Variants in SGCZ observed in about 807,000 individuals in gnomAD.
The protein encoded by SGCZ is zeta-sarcoglycan.
SGCZ carries 40 observed loss-of-function variants against 41.3 expected under a neutral mutation model. The ratio of observed to expected loss-of-function variants is 0.97; its 90% CI spans 0.75 to 1.26. SGCZ has a LOEUF of 1.26. SGCZ is among the 50% of genes most tolerant of loss of function. The pLI, the probability that SGCZ is intolerant of heterozygous loss-of-function variation, is 0.00. For missense variants in SGCZ, 552 were observed against 369.8 expected, an observed-to-expected ratio of 1.49 and a Z score of -4.04; for synonymous variants, 206 against 137.5, an observed-to-expected ratio of 1.50 and a Z score of -3.49.
chr8:15,022,109 C>T (rs1423886713), intron 1 of SGCZ, among the ~76,000 whole-genome samples: 4 of 152,102 alleles, frequency 2.6e-5, no homozygotes, highest in Non-Finnish European at 2.9e-5. Flanking sequence ...GTGACCTGAT[C>T]AAGGTAACAA....
chr8:15,055,588 G>C (rs1276089913), intron 1 of SGCZ, among the ~76,000 whole-genome samples: 3 of 152,158 alleles, frequency 2.0e-5, no homozygotes, highest in African/African-American at 7.2e-5. Context: ...GGTTTTTATG[G>C]GACTGAGAAG....
chr8:14,826,678 T>C (rs1333233331), intron 1 of SGCZ, among the ~76,000 whole-genome samples: 3 of 152,176 alleles, frequency 2.0e-5, no homozygotes, highest in Middle Eastern at 3.2e-3. Flanking sequence ...ATTTCTCTGA[T>C]AGCCAGTGAT....
intron 2 of SGCZ, among the ~76,000 whole-genome samples, chr8:14,475,319 C>T (rs1258353519): frequency 6.6e-6 from 1 of 151,856 alleles, no homozygotes; most frequent in Admixed American, 6.6e-5. Flanking sequence ...GGAGTTGCTG[C>T]CAGAATACAA....
chr8:15,037,337 T>C (rs1221485926), intron 1 of SGCZ, among the ~76,000 whole-genome samples: 2 of 152,310 alleles, frequency 1.3e-5, no homozygotes, highest in African/African-American at 4.8e-5. Flanking sequence ...TGTCACCATG[T>C]GACGAAGGAT....
chr8:14,190,239 C>T (rs748191519), intron 4 of SGCZ, among the ~76,000 whole-genome samples: 1 of 151,826 alleles, frequency 6.6e-6, no homozygotes, highest in Non-Finnish European at 1.5e-5. Flanking sequence ...GTCTCGAACT[C>T]CTGACCTTGT....
At chr8:14,527,925 T>G (rs546146390) in intron 2 of SGCZ, among the ~76,000 whole-genome samples, 2 of 152,204 alleles carry the variant, frequency 1.3e-5, no homozygotes, top group Middle Eastern at 3.4e-3. Context: ...GGGGGAGTAA[T>G]ACCATGCAAA....
rs1453895222 is a variant in SGCZ at position 15,006,785 on chromosome 8, T to C, written c.39+230800A>G. 4.6e-5 allele frequency among the ~76,000 whole-genome samples: 7 copies of C among 152,256 alleles called. No homozygotes were observed. The South Asian group carries it at 1.2e-3, about 27-fold the overall frequency. On this transcript the variant is annotated intron_variant, in intron 1 of 7. Coordinates refer to ENST00000382080, the MANE Select transcript of SGCZ (RefSeq NM_139167.4). ...TTCATAGATGAGTTGTAAAAGCCTG[T>C]CTCCCATGTTTGAACCTGCATTCGA... is the stretch of plus-strand genomic sequence containing the variant.
chr8:14,758,835 C>A (rs1799767476), intron 1 of SGCZ, among the ~76,000 whole-genome samples: 1 of 151,858 alleles, frequency 6.6e-6, no homozygotes, highest in South Asian at 2.1e-4. Context: ...ATGAAGAAAC[C>A]CTGTCTCTAC....
At chr8:14,352,211 T>A (rs762162718) in intron 2 of SGCZ, among the ~76,000 whole-genome samples, 46 of 152,000 alleles carry the variant, frequency 3.0e-4, no homozygotes, top group Middle Eastern at 3.2e-3. Context: ...AATATAACTT[T>A]AGGAATTTCC....
At chr8:15,116,501 A>T (rs542406104) in intron 1 of SGCZ, among the ~76,000 whole-genome samples, 1 of 152,318 alleles carries the variant, frequency 6.6e-6, no homozygotes, top group African/African-American at 2.4e-5. Flanking sequence ...ATTTTAAACG[A>T]TAGATTTTGT....
intron 1 of SGCZ, among the ~76,000 whole-genome samples, chr8:15,121,549 A>G (rs1165827898): frequency 2.0e-5 from 3 of 152,228 alleles, no homozygotes; most frequent in African/African-American, 7.2e-5. Flanking sequence ...TTGTTGAAGT[A>G]AGACATAAGT....
chr8:14,431,609 T>C (rs1431783141), intron 2 of SGCZ, among the ~76,000 whole-genome samples: 1 of 152,176 alleles, frequency 6.6e-6, no homozygotes, highest in Non-Finnish European at 1.5e-5. Flanking sequence ...AGAGAAACTC[T>C]TCTTGACATT....
chr8:14,669,540 C>A (rs1425976256), intron 1 of SGCZ, among the ~76,000 whole-genome samples: 2 of 152,074 alleles, frequency 1.3e-5, no homozygotes. Flanking sequence ...AGTATAACAA[C>A]ATAGATTCCA....
chr8:14,264,083 C>G (rs13256717), intron 3 of SGCZ, among the ~76,000 whole-genome samples: 57,564 of 152,068 alleles, frequency 0.38, 12,427 homozygotes, highest in Non-Finnish European at 0.5. Context: ...GCCAGCACTA[C>G]CCAGTGGTTT....
chr8:14,740,207 TA>T (rs1393791100), intron 1 of SGCZ, among the ~76,000 whole-genome samples: 1 of 152,056 alleles, frequency 6.6e-6, no homozygotes, highest in Non-Finnish European at 1.5e-5. Context: ...GATAAAAGTT[TA>T]TTCCAAATCA....
chr8:14,655,891 A>G (rs1298220745), intron 1 of SGCZ, among the ~76,000 whole-genome samples: 1 of 151,950 alleles, frequency 6.6e-6, no homozygotes, highest in Non-Finnish European at 1.5e-5. Context: ...TGCCTTTTTT[A>G]CTCAGCATAA....
rs1554478141 is a variant in SGCZ, at chr8:14,674,928, G to GCTTTTTTTTTTTTTTTTT, written c.40-120003_40-120002insAAAAAAAAAAAAAAAAAG. On this transcript the variant is annotated intron_variant, in intron 1 of 7. Transcript: ENST00000382080. ...GCCAATTTAACCTCTTTTCTTTTCT[G>GCTTTTTTTTTTTTTTTTT]TTTTTTTTTTTTTTTTTTTTTTTTT... Among the ~76,000 whole-genome samples, 493 of 71,006 alleles carry GCTTTTTTTTTTTTTTTTT rather than the reference G, an allele frequency of 6.9e-3. 159 individuals are homozygous for GCTTTTTTTTTTTTTTTTT. The highest frequency in any genetic ancestry group is 0.021 in the African/African-American group (413 of 19,690). The allele number at this position is 71,006 out of a possible 152,430, so 46.6% of individuals were successfully genotyped here.
chr8:14,655,169 A>G (rs10503506), intron 1 of SGCZ, among the ~76,000 whole-genome samples: 24,396 of 152,032 alleles, frequency 0.16, 2,359 homozygotes, highest in Admixed American at 0.23. Flanking sequence ...AGAAAACTAC[A>G]TGATTTACAT....
intron 2 of SGCZ, among the ~76,000 whole-genome samples, chr8:14,488,574 A>G (rs796164675): frequency 7.4e-5 from 11 of 149,360 alleles, no homozygotes; most frequent in African/African-American, 2.7e-4. Flanking sequence ...CTCGGAGCTA[A>G]CCCATTGAAA....
Sources: gnomAD v4.1 joint callset for allele counts (sites outside exome capture counted in the v4.1 genomes callset) on GRCh38, gnomAD v4.1.1 for gene constraint, MANE v1.5 for transcripts, NCBI Gene and HGNC (gene_info 2026-07-23, HGNC 2026-07-21) for gene names.